The following CWF19L2 variants were observed in gnomAD, a reference collection of about 807,000 sequenced individuals.
CWF19L2 encodes CWF19 like cell cycle control factor 2.
Under a neutral mutation model 111.7 loss-of-function variants are expected in CWF19L2, and 98 were observed. That is an observed-to-expected ratio of 0.88 (90% CI 0.75 to 1.04). The LOEUF (loss-of-function observed/expected upper bound fraction) is 1.04, where lower values mean the gene tolerates loss of function less well. Ranked by LOEUF, CWF19L2 falls within the 50% of genes least tolerant of loss-of-function variation. The pLI is 0.00. For missense variants in CWF19L2, 1,101 were observed against 1,051.4 expected (o/e 1.05, Z -0.65); for synonymous variants, 351 against 342.9 (o/e 1.02, Z -0.26).
intron 10 of CWF19L2, among the ~76,000 whole-genome samples, chr11:107,397,519 C>T (rs1860941964): frequency 5.3e-5 from 8 of 152,042 alleles, no homozygotes; most frequent in Admixed American, 5.2e-4. Context: ...GCAAGACGCG[C>T]CCACGGAGAG....
At chr11:107,355,762 A>G (rs1186202658) in intron 12 of CWF19L2, among the ~76,000 whole-genome samples, 1 of 152,250 alleles carries the variant, frequency 6.6e-6, no homozygotes, top group Non-Finnish European at 1.5e-5. Flanking sequence ...GAACTGCCAA[A>G]GAAACAGACA....
Position 107,454,550 on chromosome 11 carries a change from TTC to T in CWF19L2, c.237_238del (p.Lys80GlufsTer23), listed in dbSNP as rs1192942468. 6.9e-7 allele frequency: 1 copy of T among 1,458,616 alleles called. No individual in the cohort carries two copies. The highest frequency in any genetic ancestry group is 2.9e-5 in the Admixed American group (1 of 35,006). 90.4% of individuals were successfully genotyped at this position (1,458,616 alleles called of 1,614,324 possible). ...TTTTTTTGAATGCTTGTCTTTTTTC[TTC>T]TTTTTCTTCACAGAGTGTTCCTACA... On this transcript the variant is annotated frameshift_variant, in exon 3 of 18. Coordinates refer to ENST00000282251, the MANE Select transcript of CWF19L2 (RefSeq NM_152434.3). LOFTEE classifies it high-confidence loss of function.
At chr11:107,433,880 T>TTATTTATATA (rs1328459601) in intron 6 of CWF19L2, 131 bp from the exon 7 acceptor site, 7 of 122,138 alleles carry the variant, frequency 5.7e-5, no homozygotes, top group African/African-American at 2.2e-4. Flanking sequence ...CTTTGGAATT[T>TTATTTATATA]TATATATATA....
chr11:107,403,552 C>T (rs1861036568), intron 10 of CWF19L2: 2 of 799,810 alleles, frequency 2.5e-6, no homozygotes, highest in Non-Finnish European at 4.5e-6. Context: ...CAGTAGTAGA[C>T]GTGCCTTCTT....
At chr11:107,455,618 CA>C in intron 2 of CWF19L2, 47 bp downstream of exon 2, 4 of 1,104,318 alleles carry the variant, frequency 3.6e-6, no homozygotes, top group East Asian at 2.7e-5. Flanking sequence ...TGAATACGTG[CA>C]AAAAAGGACA....
Position 107,353,684 on chromosome 11 carries a change from G to T in CWF19L2, c.1925C>A (p.Ser642Tyr). The T allele has an allele frequency of 6.2e-7, 1 of 1,613,652 alleles. No homozygotes were observed. The change falls in exon 13 of 18, where the codon TCC (serine) becomes TAC (tyrosine). Residue 642 changes from serine (S) to tyrosine (Y), a missense_variant. Coordinates refer to ENST00000282251, the MANE Select transcript of CWF19L2 (RefSeq NM_152434.3). The part of the protein sequence containing the change: ...DYYTLDDMFV[S>Y]KAAERERLGE... ...AAGACGTTCTCTCTCAGCTGCTTTG[G>T]AGACAAACATGTCATCCAGGGTGTA...
At chr11:107,386,012 T>C (rs1367937597) in intron 12 of CWF19L2, among the ~76,000 whole-genome samples, 1 of 152,146 alleles carries the variant, frequency 6.6e-6, no homozygotes, top group Non-Finnish European at 1.5e-5. Flanking sequence ...TCAATTATAC[T>C]TTATAAGTTA....
intron 11 of CWF19L2, among the ~76,000 whole-genome samples, chr11:107,391,823 C>T (rs1860852211): frequency 6.6e-6 from 1 of 152,170 alleles, no homozygotes; most frequent in Non-Finnish European, 1.5e-5. Flanking sequence ...CACCCCCTGG[C>T]TCCAGACACT....
intron 13 of CWF19L2, among the ~76,000 whole-genome samples, chr11:107,351,333 C>A (rs78568149): frequency 0.057 from 8,721 of 151,988 alleles, 506 homozygotes; most frequent in African/African-American, 0.14. Context: ...ATGCAAGCAA[C>A]TGGAGGATGA....
rs548077520 is a variant in CWF19L2, at chr11:107,360,432, G to A, written c.1873-6696C>T. Among the ~76,000 whole-genome samples, 27 of 152,316 alleles carry A rather than the reference G, an allele frequency of 1.8e-4. 1 individual carries two copies. In the South Asian group the frequency reaches 5.6e-3, roughly 32 times the overall value. On this transcript the variant is annotated intron_variant, in intron 12 of 17. Transcript: ENST00000282251. The stretch of plus-strand genomic sequence containing the variant: ...CATTATCTTTAATCTTGTGAACACT[G>A]CCACAATAGACATACAAGTGGGGGT...
At chr11:107,399,118 CAGG>C (rs1304468652) in intron 10 of CWF19L2, among the ~76,000 whole-genome samples, 1 of 152,100 alleles carries the variant, frequency 6.6e-6, no homozygotes, top group Non-Finnish European at 1.5e-5. Flanking sequence ...ATAAATTACA[CAGG>C]ACCTATAAAA....
intron 12 of CWF19L2, among the ~76,000 whole-genome samples, chr11:107,362,493 C>T (rs1860368764): frequency 6.6e-6 from 1 of 152,148 alleles, no homozygotes; most frequent in South Asian, 2.1e-4. Flanking sequence ...GGGCAGACTG[C>T]CTCCTCAAGT....
chr11:107,375,557 T>C lies in CWF19L2; in HGVS notation c.1872+14517A>G, dbSNP rs987952675. ...AACGAAATGAAGGCAGAAATAAAGA[T>C]GTTCTTCGAAACCAACAAGAACAAA... On this transcript the variant is annotated intron_variant, in intron 12 of 17. Transcript: ENST00000282251. Among the ~76,000 whole-genome samples, 3 of 136,972 alleles carry C rather than the reference T, an allele frequency of 2.2e-5. 1 individual carries two copies. Among genetic ancestry groups the C allele is most frequent in the Non-Finnish European group, 4.7e-5 (3 of 63,304 alleles). The allele number at this position is 136,972 out of a possible 152,430, so 89.9% of individuals were successfully genotyped here.
chr11:107,339,819 T>C (rs1356060721), intron 14 of CWF19L2, among the ~76,000 whole-genome samples: 2 of 151,828 alleles, frequency 1.3e-5, no homozygotes, highest in Non-Finnish European at 2.9e-5. Context: ...AGGTGTGCAC[T>C]ACCATGCCTG....
At chr11:107,385,149 A>T (rs1860746332) in intron 12 of CWF19L2, among the ~76,000 whole-genome samples, 1 of 152,158 alleles carries the variant, frequency 6.6e-6, no homozygotes, top group African/African-American at 2.4e-5. Context: ...TTTAATCATT[A>T]AACATACAAA....
intron 14 of CWF19L2, among the ~76,000 whole-genome samples, chr11:107,347,791 C>A (rs888476583): frequency 6.6e-6 from 1 of 151,720 alleles, no homozygotes; most frequent in Non-Finnish European, 1.5e-5. Context: ...TCCACTTAAA[C>A]TGTTTTCATT....
intron 13 of CWF19L2, among the ~76,000 whole-genome samples, chr11:107,350,074 C>G (rs942285343): frequency 6.6e-6 from 1 of 152,002 alleles, no homozygotes; most frequent in South Asian, 2.1e-4. Flanking sequence ...GTATCAAAAG[C>G]AGTTTTTCCA....
rs1304534101 is a variant in CWF19L2, at chr11:107,355,241, C to T, written c.1873-1505G>A. On this transcript the variant is annotated intron_variant, in intron 12 of 17. Transcript: ENST00000282251. The stretch of plus-strand genomic sequence containing the variant: ...GACCAGCCTGACCAACATGGTGAAA[C>T]CCCGTCTTTACTAAAAATACAAAAG... 3.3e-5 allele frequency among the ~76,000 whole-genome samples: 5 copies of T among 152,098 alleles called. No homozygotes were observed. In the South Asian group the frequency reaches 1.0e-3, roughly 32 times the overall value.
chr11:107,378,488 A>G (rs1262086922), intron 12 of CWF19L2, among the ~76,000 whole-genome samples: 2 of 152,162 alleles, frequency 1.3e-5, no homozygotes, highest in African/African-American at 4.8e-5. Flanking sequence ...GAAATTGGAA[A>G]TCATCATTCT....
Sources: gnomAD v4.1 joint callset for allele counts (sites outside exome capture counted in the v4.1 genomes callset) on GRCh38, gnomAD v4.1.1 for gene constraint, MANE v1.5 for transcripts, NCBI Gene and HGNC (gene_info 2026-07-23, HGNC 2026-07-21) for gene names.